The following ZNF248 variants were observed in gnomAD, a reference collection of about 807,000 sequenced individuals.
The protein encoded by ZNF248 is KRAB protein domain.
A neutral mutation model predicts 44.3 loss-of-function variants in ZNF248; 20 were observed. The observed-to-expected ratio is 0.45, with a 90% CI of 0.32 to 0.66. The LOEUF (loss-of-function observed/expected upper bound fraction) is 0.66, where lower values mean the gene tolerates loss of function less well. ZNF248 is among the 30% of genes least tolerant of loss of function. The pLI is 0.04. For missense variants in ZNF248, 654 were observed against 677.0 expected (o/e 0.97, Z 0.38); for synonymous variants, 224 against 229.0 (o/e 0.98, Z 0.20).
In ZNF248 at chr10:37,830,035, C is replaced by T. The variant is rs1389913225; in HGVS notation, c.*1580G>A. 2.7e-5 allele frequency: 27 copies of T among 985,384 alleles called. No individual in the cohort carries two copies. Among genetic ancestry groups the T allele is most frequent in the Middle Eastern group, 5.2e-4 (1 of 1,914 alleles). 61.0% of individuals were successfully genotyped at this position (985,384 alleles called of 1,614,324 possible). On this transcript the variant is annotated 3_prime_UTR_variant, in exon 6 of 6. Coordinates refer to ENST00000395867, the MANE Select transcript of ZNF248 (RefSeq NM_021045.3). ...ATGTGTTCCAAGGGGGCAAAAGAAA[C>T]AACAGGACAAGGGAGGCAGAGATAC...
Position 37,831,680 on chromosome 10 carries a change from G to A in ZNF248, c.1675C>T (p.Gln559Ter). 1 of 1,613,928 alleles carries A rather than the reference G, an allele frequency of 6.2e-7. No homozygotes were observed. The highest frequency in any genetic ancestry group is 8.5e-7 in the Non-Finnish European group (1 of 1,179,886). ...ECNACGKTFS[Q>*]RSVLTKHQRI... Reference sequence around the variant, plus strand: ...TGATGTTTGGTGAGCACTGACCTCTGACTAAAGGTCTTCCCACATGCATTA... The same window carrying A: ...TGATGTTTGGTGAGCACTGACCTCTAACTAAAGGTCTTCCCACATGCATTA... Residue 559 changes from glutamine (Q) to a stop codon, truncating the protein, a stop_gained, in exon 6 of 6, where the codon CAG becomes TAG. Coordinates refer to ENST00000395867, the MANE Select transcript of ZNF248 (RefSeq NM_021045.3). LOFTEE classifies it high-confidence loss of function.
chr10:37,792,770 T>C (rs143540181), intron 6 of ZNF248, among the ~76,000 whole-genome samples: 152 of 152,296 alleles, frequency 1.0e-3, no homozygotes, highest in Admixed American at 2.2e-3. Context: ...ATTTGACCAG[T>C]ATTCTTCGTA....
At chr10:37,826,398 TATTTCCTCATC>T (rs1355805605), downstream of ZNF248, among the ~76,000 whole-genome samples, 1 of 152,196 alleles carries the variant, frequency 6.6e-6, no homozygotes, top group African/African-American at 2.4e-5. Context: ...TTCTGAGTAT[TATTTCCTCATC>T]ATTACCTACT....
At chr10:37,826,038 T>C (rs564932777), downstream of ZNF248, among the ~76,000 whole-genome samples, 9 of 152,136 alleles carry the variant, frequency 5.9e-5, no homozygotes, top group Non-Finnish European at 1.3e-4. Flanking sequence ...TGATAGGATG[T>C]AGATAAAATA....
At chr10:37,847,612 A>C (rs1016570198) in intron 3 of ZNF248, among the ~76,000 whole-genome samples, 1 of 152,248 alleles carries the variant, frequency 6.6e-6, no homozygotes. Context: ...AAATAAGGCA[A>C]AAATGTTAAC....
At chr10:37,760,028 G>A in the ZNF248 span, among the ~76,000 whole-genome samples, 49 of 152,280 alleles carry the variant, frequency 3.2e-4, 1 homozygote, top group Middle Eastern at 0.01. Context: ...GGAAAAGCAG[G>A]TGCAATCTGA....
intron 6 of ZNF248, chr10:37,791,760 G>A (rs1317982079): frequency 6.6e-6 from 1 of 152,200 alleles, no homozygotes; most frequent in African/African-American, 2.4e-5. Context: ...CATGTTGAAA[G>A]AACCCAGAAG....
chr10:37,764,742 T>C, the ZNF248 span, among the ~76,000 whole-genome samples: 5 of 152,358 alleles, frequency 3.3e-5, no homozygotes, highest in South Asian at 1.0e-3. Flanking sequence ...TAGGAACTAA[T>C]TCTTTGCCAT....
intron 6 of ZNF248, among the ~76,000 whole-genome samples, chr10:37,786,649 T>C (rs1216076928): frequency 6.6e-6 from 1 of 152,220 alleles, no homozygotes; most frequent in African/African-American, 2.4e-5. Flanking sequence ...GTTTAGTTTT[T>C]TAAACAGTAC....
Position 37,838,121 on chromosome 10 carries a change from T to G in ZNF248, c.16-10A>C. 6.2e-7 allele frequency: 1 copy of G among 1,606,176 alleles called. No homozygotes were observed. On this transcript the variant is annotated splice_polypyrimidine_tract_variant and intron_variant, in intron 3 of 5. Coordinates refer to ENST00000395867, the MANE Select transcript of ZNF248 (RefSeq NM_021045.3). ...TGAATGACACTTGTTCCTGTAATAG[T>G]ATACTCTTTTTACATGAAATGGTCA...
chr10:37,838,911 A>G (rs1162946893), intron 3 of ZNF248, among the ~76,000 whole-genome samples: 2 of 152,188 alleles, frequency 1.3e-5, no homozygotes, highest in African/African-American at 4.8e-5. Flanking sequence ...TGTGTGCTAT[A>G]CAGAAAAAGG....
downstream of ZNF248, among the ~76,000 whole-genome samples, chr10:37,827,546 A>G (rs1449136199): frequency 6.6e-6 from 1 of 152,172 alleles, no homozygotes; most frequent in Non-Finnish European, 1.5e-5. Flanking sequence ...CTGGGAATGC[A>G]AGATCTGAGA....
the ZNF248 span, among the ~76,000 whole-genome samples, chr10:37,760,375 C>A: frequency 2.0e-5 from 3 of 152,090 alleles, no homozygotes; most frequent in Non-Finnish European, 4.4e-5. Context: ...GGTCTACAGG[C>A]ACAAGCCACC....
chr10:37,852,656 T>A (rs975406714), intron 3 of ZNF248, among the ~76,000 whole-genome samples: 1 of 149,718 alleles, frequency 6.7e-6, no homozygotes, highest in Admixed American at 6.7e-5. Flanking sequence ...GATATAGATA[T>A]ATAGATACAA....
At chr10:37,814,106 C>T (rs1323662833) in intron 6 of ZNF248, among the ~76,000 whole-genome samples, 6 of 152,086 alleles carry the variant, frequency 3.9e-5, no homozygotes, top group African/African-American at 1.4e-4. Context: ...TCCTGAATTA[C>T]AGCTCTTTTC....
chr10:37,852,642 T>C (rs1303232457), intron 3 of ZNF248, among the ~76,000 whole-genome samples: 1 of 150,224 alleles, frequency 6.7e-6, no homozygotes, highest in South Asian at 2.1e-4. Flanking sequence ...TCTCTCTATA[T>C]ATAGATATAG....
At chr10:37,758,568 G>A in the ZNF248 span, among the ~76,000 whole-genome samples, 9,111 of 152,240 alleles carry the variant, frequency 0.06, 351 homozygotes, top group Middle Eastern at 0.095. Flanking sequence ...TTTAATGAAA[G>A]TCATATACTC....
chr10:37,818,632 C>T, intron 6 of ZNF248: 1 of 492,452 alleles, frequency 2.0e-6, no homozygotes, highest in South Asian at 1.9e-5. Context: ...TTGGACACCC[C>T]AAAGGTTGAT....
At chr10:37,804,873 C>G (rs1170878295) in intron 6 of ZNF248, among the ~76,000 whole-genome samples, 1 of 152,056 alleles carries the variant, frequency 6.6e-6, no homozygotes, top group Non-Finnish European at 1.5e-5. Flanking sequence ...TCTTTAATAG[C>G]TAAATAATTG....
Sources: allele counts gnomAD v4.1 joint callset (sites outside exome capture counted in the v4.1 genomes callset), GRCh38; gene constraint gnomAD v4.1.1; transcripts MANE v1.5; gene names NCBI Gene and HGNC (gene_info 2026-07-23, HGNC 2026-07-21).